MAGI1: variants seen among roughly 807,000 people sequenced by gnomAD.
MAGI1 encodes membrane-associated guanylate kinase, WW and PDZ domain-containing protein 1.
A neutral mutation model predicts 139.9 loss-of-function variants in MAGI1; 58 were observed. That is an observed-to-expected ratio of 0.41 (90% CI 0.34 to 0.52). The LOEUF (loss-of-function observed/expected upper bound fraction) is 0.52. Ranked by LOEUF, MAGI1 falls within the 20% of genes least tolerant of loss-of-function variation. The probability of loss-of-function intolerance (pLI) is 0.12; values close to 1 mark genes in which losing one functional copy is unlikely to be tolerated. For missense variants in MAGI1, 1,874 were observed against 1,901.6 expected, an observed-to-expected ratio of 0.99 and a Z score of 0.27; for synonymous variants, 812 against 737.9, an observed-to-expected ratio of 1.10 and a Z score of -1.63.
At chr3:65,757,129 T>G (rs1288026376) in intron 1 of MAGI1, among the ~76,000 whole-genome samples, 2 of 152,198 alleles carry the variant, frequency 1.3e-5, no homozygotes, top group African/African-American at 4.8e-5. Flanking sequence ...ATTTGCTACT[T>G]TTTAACAGTA....
intron 13 of MAGI1, among the ~76,000 whole-genome samples, chr3:65,394,651 T>A (rs1944238961): frequency 6.6e-6 from 1 of 150,726 alleles, no homozygotes; most frequent in Non-Finnish European, 1.5e-5. Flanking sequence ...TTTTTAAAAC[T>A]ATGCTGTGGG....
chr3:65,486,407 T>G (rs1272885377), intron 3 of MAGI1, among the ~76,000 whole-genome samples: 1 of 152,138 alleles, frequency 6.6e-6, no homozygotes, highest in Non-Finnish European at 1.5e-5. Flanking sequence ...TCATCCCTTG[T>G]AAACTCTCTC....
intron 1 of MAGI1, among the ~76,000 whole-genome samples, chr3:65,858,890 C>G (rs2059452470): frequency 6.6e-6 from 1 of 152,182 alleles, no homozygotes; most frequent in South Asian, 2.1e-4. Context: ...CTCTTCCTTT[C>G]TGAATGAGCT....
chr3:65,394,608 T>G (rs535520821), intron 13 of MAGI1, among the ~76,000 whole-genome samples: 4 of 151,594 alleles, frequency 2.6e-5, no homozygotes, highest in Non-Finnish European at 4.4e-5. Flanking sequence ...GAAGACATAT[T>G]CTGTAATTTA....
At chr3:65,831,753 G>C (rs113597999) in intron 1 of MAGI1, among the ~76,000 whole-genome samples, 270 of 152,302 alleles carry the variant, frequency 1.8e-3, no homozygotes, top group African/African-American at 6.2e-3. Context: ...TGTGTGAATG[G>C]AAGTTTTAGA....
chr3:66,038,144 A>C lies in MAGI1; in HGVS notation c.165T>G (p.Leu55=). 1 of 1,611,944 alleles carries C rather than the reference A, an allele frequency of 6.2e-7. No individual in the cohort carries two copies. Among genetic ancestry groups the C allele is most frequent in the Non-Finnish European group, 8.5e-7 (1 of 1,179,426 alleles). ...GAVAAVEAAG[L]PGGGEGPRLG... ...GCCTCGGGCCCTCGCCGCCGCCGGGAAGCCCCGCTGCCTCGACCGCCGCCA... is the reference window on the plus strand; with the variant it reads ...GCCTCGGGCCCTCGCCGCCGCCGGGCAGCCCCGCTGCCTCGACCGCCGCCA... The change falls in exon 1 of 23, where the codon CTT becomes CTG. Residue 55 remains leucine, a synonymous_variant. Transcript: ENST00000402939.
At chr3:65,484,321 T>C (rs928443819) in intron 3 of MAGI1, among the ~76,000 whole-genome samples, 1 of 151,994 alleles carries the variant, frequency 6.6e-6, no homozygotes, top group Non-Finnish European at 1.5e-5. Flanking sequence ...GGGTGGGAAT[T>C]GGGGGTACTT....
chr3:65,999,471 C>T (rs76643120), intron 1 of MAGI1, among the ~76,000 whole-genome samples: 2,396 of 152,132 alleles, frequency 0.016, 77 homozygotes, highest in African/African-American at 0.055. Flanking sequence ...TTCTTTACCC[C>T]TCAAGTGTGA....
intron 1 of MAGI1, among the ~76,000 whole-genome samples, chr3:65,676,469 C>A (rs2087197863): frequency 6.6e-6 from 1 of 151,924 alleles, no homozygotes; most frequent in African/African-American, 2.4e-5. Context: ...TTTTAAAAAA[C>A]GTACTTCTTT....
intron 12 of MAGI1, among the ~76,000 whole-genome samples, chr3:65,428,161 C>T (rs997600258): frequency 6.6e-6 from 1 of 152,136 alleles, no homozygotes; most frequent in Non-Finnish European, 1.5e-5. Context: ...TGCTGTGACA[C>T]AAATGAGCTC....
intron 1 of MAGI1, among the ~76,000 whole-genome samples, chr3:65,865,565 AG>A (rs200698954): frequency 0.044 from 6,737 of 152,304 alleles, 215 homozygotes; most frequent in Non-Finnish European, 0.065. Context: ...ACTGCAATCC[AG>A]GCCTGGGTGA....
At chr3:65,622,180 A>G in intron 1 of MAGI1, 92 bp from the exon 2 acceptor site, 1 of 905,668 alleles carries the variant, frequency 1.1e-6, no homozygotes, top group South Asian at 1.3e-5. Context: ...AAGCCACAGG[A>G]TGCAGTTCTA....
At chr3:65,879,280 T>G (rs760988054) in intron 1 of MAGI1, among the ~76,000 whole-genome samples, 5 of 151,966 alleles carry the variant, frequency 3.3e-5, no homozygotes, top group Non-Finnish European at 5.9e-5. Flanking sequence ...GGTCCACCAT[T>G]AAGCCCCCTG....
chr3:65,436,307 T>C (rs1947849640), intron 10 of MAGI1, among the ~76,000 whole-genome samples: 1 of 152,188 alleles, frequency 6.6e-6, no homozygotes, highest in Non-Finnish European at 1.5e-5. Context: ...ATTGTTTCTG[T>C]ACCACAAACA....
chr3:65,364,965 C>A lies in MAGI1; in HGVS notation c.3197-19G>T. 6.2e-7 allele frequency: 1 copy of A among 1,607,388 alleles called. No individual in the cohort carries two copies. On this transcript the variant is annotated intron_variant, in intron 18 of 22. Coordinates refer to ENST00000402939, the MANE Select transcript of MAGI1 (RefSeq NM_001033057.2). ...GAGGACTCTGCAAAGAGGGACAGAGCATAAAGAAATGAAGACCCCAGAGAA... is the reference window on the plus strand; with the variant it reads ...GAGGACTCTGCAAAGAGGGACAGAGAATAAAGAAATGAAGACCCCAGAGAA...
chr3:65,386,576 T>C (rs946734546), intron 14 of MAGI1, among the ~76,000 whole-genome samples: 15 of 152,216 alleles, frequency 9.9e-5, no homozygotes, highest in Non-Finnish European at 1.8e-4. Flanking sequence ...AGGCCACCTC[T>C]TCTTAGAGGC....
At chr3:65,700,209 C>T (rs534647165) in intron 1 of MAGI1, among the ~76,000 whole-genome samples, 71 of 152,098 alleles carry the variant, frequency 4.7e-4, no homozygotes, top group South Asian at 1.2e-3. Flanking sequence ...TTTGGGAGGC[C>T]GAGGCGGGCA....
intron 18 of MAGI1, among the ~76,000 whole-genome samples, chr3:65,372,537 C>T (rs1409191008): frequency 6.6e-6 from 1 of 152,178 alleles, no homozygotes; most frequent in Admixed American, 6.5e-5. Flanking sequence ...GCTGCATTAG[C>T]CCCTAACAAG....
rs76286266 is a variant in MAGI1 at position 65,584,371 on chromosome 3, A to G, written c.430+37601T>C. Among the ~76,000 whole-genome samples, 613 of 152,318 alleles carry G rather than the reference A, an allele frequency of 4.0e-3. 3 individuals are homozygous for G. The highest frequency in any genetic ancestry group is 0.014 in the African/African-American group (581 of 41,564). On this transcript the variant is annotated intron_variant, in intron 2 of 22. Transcript: ENST00000402939. ...TTGGCCTGGTTTCTTGGAGAAAGAA[A>G]AAAACCAGACTACAACATACCCACT...
Sources: allele counts gnomAD v4.1 joint callset (sites outside exome capture counted in the v4.1 genomes callset), GRCh38; gene constraint gnomAD v4.1.1; transcripts MANE v1.5; gene names NCBI Gene and HGNC (gene_info 2026-07-23, HGNC 2026-07-21).